The following COL15A1 variants were observed in gnomAD, a reference collection of about 807,000 sequenced individuals.
The protein encoded by COL15A1 is collagen type XV alpha 1 chain.
In COL15A1, 111 loss-of-function variants were observed where a neutral mutation model predicts 165.9. The ratio of observed to expected loss-of-function variants is 0.67; its 90% CI spans 0.57 to 0.78. COL15A1 has a LOEUF of 0.78. Ranked by LOEUF, COL15A1 falls within the 30% of genes least tolerant of loss-of-function variation. COL15A1 has a pLI of 0.00. For synonymous variants in COL15A1, 659 were observed against 674.8 expected (o/e 0.98, Z 0.36); for missense variants, 1,745 against 1,789.7 (o/e 0.98, Z 0.45).
rs1564029115 is a variant in COL15A1, at chr9:98,985,959, C to A, written c.495C>A (p.Ala165=). ...TGACCCACAGGTGGAACCGCTTCGCCATGATTGTCCAGGGTGAGGAAGTGA... is the reference window on the plus strand; with the variant it reads ...TGACCCACAGGTGGAACCGCTTCGCAATGATTGTCCAGGGTGAGGAAGTGA... The part of the protein sequence containing the change: ...PVMTHRWNRF[A]MIVQGEEVTL... The change falls in exon 3 of 42, where the codon GCC becomes GCA. Residue 165 remains alanine, a synonymous_variant. Coordinates refer to ENST00000375001, the MANE Select transcript of COL15A1 (RefSeq NM_001855.5). 1.2e-6 allele frequency: 2 copies of A among 1,614,108 alleles called. No homozygotes were observed. The highest frequency in any genetic ancestry group is 1.7e-6 in the Non-Finnish European group (2 of 1,180,018).
intron 4 of COL15A1, among the ~76,000 whole-genome samples, chr9:98,988,294 T>A (rs779311607): frequency 1.3e-5 from 2 of 152,182 alleles, no homozygotes; most frequent in Non-Finnish European, 2.9e-5. Context: ...AGCCTGACAG[T>A]CATGTGATGC....
At chr9:98,978,140 CTGTCTAGAA>C (rs1838171988) in intron 2 of COL15A1, among the ~76,000 whole-genome samples, 2 of 152,184 alleles carry the variant, frequency 1.3e-5, no homozygotes, top group Admixed American at 1.3e-4. Context: ...ATCAATTTCC[CTGTCTAGAA>C]AACAAGGATG....
At chr9:98,959,538 C>A (rs1241017184) in intron 2 of COL15A1, among the ~76,000 whole-genome samples, 1 of 152,048 alleles carries the variant, frequency 6.6e-6, no homozygotes, top group Non-Finnish European at 1.5e-5. Context: ...AATGAGGCTG[C>A]AGTGAGCTGT....
Position 99,038,623 on chromosome 9 carries a change from C to T in COL15A1, c.2410-45C>T, listed in dbSNP as rs544494662. 5.9e-6 allele frequency: 7 copies of T among 1,184,778 alleles called. No individual in the cohort carries two copies. The African/African-American group carries it at 9.0e-5, about 15-fold the overall frequency. The allele number at this position is 1,184,778 out of a possible 1,614,324, so 73.4% of individuals were successfully genotyped here. A position where few individuals can be genotyped will look rare whatever the true frequency, so the allele number is the denominator to read the frequency against. ...CTTTGCTGCCAGGAACAAGGCAGAACACATGCCATCCTTTGTCCTCATTGT... is the reference window on the plus strand; with the variant it reads ...CTTTGCTGCCAGGAACAAGGCAGAATACATGCCATCCTTTGTCCTCATTGT... On this transcript the variant is annotated intron_variant, in intron 21 of 41. Coordinates refer to ENST00000375001, the MANE Select transcript of COL15A1 (RefSeq NM_001855.5).
At chr9:99,017,895 C>T (rs1025945179) in intron 11 of COL15A1, among the ~76,000 whole-genome samples, 1 of 152,158 alleles carries the variant, frequency 6.6e-6, no homozygotes, top group Non-Finnish European at 1.5e-5. Context: ...GTATAATTAA[C>T]CCCCACATAC....
At chr9:99,065,417 G>A (rs184512241) in intron 39 of COL15A1, among the ~76,000 whole-genome samples, 82 of 152,128 alleles carry the variant, frequency 5.4e-4, no homozygotes, top group African/African-American at 2.0e-3. Context: ...GGAAGAAGAC[G>A]GGGGGTGGGG....
At chr9:99,024,006 C>T (rs150378465) in intron 14 of COL15A1, among the ~76,000 whole-genome samples, 205 of 152,312 alleles carry the variant, frequency 1.3e-3, no homozygotes, top group African/African-American at 4.7e-3. Context: ...AAATTGCCCC[C>T]TGGGGAGCTT....
At chr9:98,986,256 C>T in intron 3 of COL15A1, 144 bp downstream of exon 3, 1 of 686,516 alleles carries the variant, frequency 1.5e-6, no homozygotes, top group Admixed American at 3.1e-5. Flanking sequence ...TAACACTAGG[C>T]CTGGAACCCC....
intron 21 of COL15A1, among the ~76,000 whole-genome samples, chr9:99,037,268 G>A (rs1839319211): frequency 6.6e-6 from 1 of 152,176 alleles, no homozygotes; most frequent in South Asian, 2.1e-4. Context: ...TTTCTTCTCT[G>A]TATCCCCACC....
At chr9:98,992,225 G>A (rs1838451504) in intron 5 of COL15A1, among the ~76,000 whole-genome samples, 1 of 152,252 alleles carries the variant, frequency 6.6e-6, no homozygotes, top group South Asian at 2.1e-4. Context: ...GGGCATGGCA[G>A]GCTGCAGGTC....
At chr9:98,944,098 G>C in intron 1 of COL15A1, 26 bp downstream of exon 1, 1 of 1,614,122 alleles carries the variant, frequency 6.2e-7, no homozygotes, top group Non-Finnish European at 8.5e-7. Flanking sequence ...CTGCTTCCTC[G>C]CGTCCCGGGC....
At chr9:99,048,136 C>T (rs1388983104) in intron 28 of COL15A1, 136 bp downstream of exon 28, 4 of 705,778 alleles carry the variant, frequency 5.7e-6, no homozygotes, top group African/African-American at 3.5e-5. Flanking sequence ...GCCAAAGGTC[C>T]TCCCACCCAG....
intron 26 of COL15A1, among the ~76,000 whole-genome samples, 190 bp from the exon 27 acceptor site, chr9:99,047,596 C>A (rs1054131580): frequency 6.6e-6 from 1 of 152,138 alleles, no homozygotes; most frequent in Admixed American, 6.5e-5. Context: ...TGAGCAGGTG[C>A]TTCTAGCTGA....
At chr9:99,064,631 C>T (rs1014574051) in intron 39 of COL15A1, among the ~76,000 whole-genome samples, 12 of 152,148 alleles carry the variant, frequency 7.9e-5, no homozygotes, top group Non-Finnish European at 1.8e-4. Context: ...GAGAAAGAAA[C>T]TGAGAAGCCA....
At chr9:99,069,316 T>G (rs1825947184) in intron 41 of COL15A1, among the ~76,000 whole-genome samples, 1 of 151,594 alleles carries the variant, frequency 6.6e-6, no homozygotes, top group Non-Finnish European at 1.5e-5. Context: ...CATTTTTACT[T>G]AGGGGTGAGA....
chr9:99,054,175 C>T lies in COL15A1; in HGVS notation c.2951-401C>T, dbSNP rs76950237. ...AGAGCCCTCCTGTTCCCTTACAACC[C>T]CATGCTACACAGGCCTAGATGAGAT... On this transcript the variant is annotated intron_variant, in intron 31 of 41. Transcript: ENST00000375001. Among the ~76,000 whole-genome samples, 17 of 152,310 alleles carry T rather than the reference C, an allele frequency of 1.1e-4. No homozygotes were observed. In the East Asian group the frequency reaches 3.3e-3, roughly 30 times the overall value.
In COL15A1 at chr9:99,044,716, A is replaced by T; in HGVS notation, c.2644-19A>T. 1 of 1,613,658 alleles carries T rather than the reference A, an allele frequency of 6.2e-7. No homozygotes were observed. Among genetic ancestry groups the T allele is most frequent in the South Asian group, 1.1e-5 (1 of 91,058 alleles). On this transcript the variant is annotated intron_variant, in intron 25 of 41. Coordinates refer to ENST00000375001, the MANE Select transcript of COL15A1 (RefSeq NM_001855.5). Reference sequence around the variant, plus strand: ...GTTTCTGTCCCAAACAGTGACAAGTATATATCTTCCTGTTTTAGGGTGAAC... The same window carrying T: ...GTTTCTGTCCCAAACAGTGACAAGTTTATATCTTCCTGTTTTAGGGTGAAC...
At chr9:98,948,283 C>T (rs1280386455) in intron 2 of COL15A1, among the ~76,000 whole-genome samples, 2 of 152,010 alleles carry the variant, frequency 1.3e-5, no homozygotes, top group Non-Finnish European at 2.9e-5. Context: ...CAATCCCATC[C>T]TTCTACACCA....
intron 34 of COL15A1, 41 bp downstream of exon 34, chr9:99,055,413 A>G: frequency 7.8e-7 from 1 of 1,287,372 alleles, no homozygotes; most frequent in Non-Finnish European, 1.1e-6. Context: ...CCAAAGACTT[A>G]CAGCTTTCCC....
Sources: allele counts gnomAD v4.1 joint callset (sites outside exome capture counted in the v4.1 genomes callset), GRCh38; gene constraint gnomAD v4.1.1; transcripts MANE v1.5; gene names NCBI Gene and HGNC (gene_info 2026-07-23, HGNC 2026-07-21).